ATP1B1: variants seen among roughly 807,000 people sequenced by gnomAD.
The protein encoded by ATP1B1 is ATPase Na+/K+ transporting subunit beta 1.
ATP1B1 carries 3 observed loss-of-function variants against 39.6 expected under a neutral mutation model. The ratio of observed to expected loss-of-function variants is 0.08; its 90% CI spans 0.03 to 0.20. ATP1B1 has a LOEUF of 0.20. Among genes scored for constraint, ATP1B1 ranks in the 10% least tolerant of loss-of-function variants. The pLI is 1.00. For synonymous variants in ATP1B1, 139 were observed against 135.0 expected (o/e 1.03, Z -0.20); for missense variants, 216 against 371.1 (o/e 0.58, Z 3.43).
intron 2 of ATP1B1, among the ~76,000 whole-genome samples, chr1:169,124,506 C>T (rs770768236): frequency 3.3e-5 from 5 of 152,182 alleles, no homozygotes; most frequent in South Asian, 2.1e-4. Context: ...AAACTGTGCA[C>T]GTTGGGGTAC....
intron 2 of ATP1B1, among the ~76,000 whole-genome samples, chr1:169,119,059 C>A (rs1330393766): frequency 6.6e-6 from 1 of 152,178 alleles, no homozygotes; most frequent in Non-Finnish European, 1.5e-5. Context: ...TCCCTCAAGC[C>A]TTTTCCCCCT....
chr1:169,121,818 A>G (rs1307427403), intron 2 of ATP1B1, among the ~76,000 whole-genome samples: 2 of 152,082 alleles, frequency 1.3e-5, no homozygotes, highest in Admixed American at 6.5e-5. Flanking sequence ...GCTTGTTTAT[A>G]TTTTGGCTTT....
At chr1:169,125,184 A>T (rs142696549) in intron 3 of ATP1B1, 145 bp downstream of exon 3, 256 of 1,112,408 alleles carry the variant, frequency 2.3e-4, no homozygotes, top group Middle Eastern at 5.5e-4. Flanking sequence ...CACTTTTTTT[A>T]AAAAAAGCAG....
intron 2 of ATP1B1, among the ~76,000 whole-genome samples, chr1:169,118,646 C>T (rs914039321): frequency 2.0e-5 from 3 of 152,108 alleles, no homozygotes; most frequent in South Asian, 2.1e-4. Context: ...CATATATGTG[C>T]GTATGCATAC....
chr1:169,124,512 G>T (rs973782654), intron 2 of ATP1B1, among the ~76,000 whole-genome samples: 14 of 152,160 alleles, frequency 9.2e-5, no homozygotes, highest in Admixed American at 8.5e-4. Flanking sequence ...TGCACGTTGG[G>T]GTACTAGAAA....
At chr1:169,113,762 C>T (rs1657775337) in intron 2 of ATP1B1, among the ~76,000 whole-genome samples, 1 of 152,214 alleles carries the variant, frequency 6.6e-6, no homozygotes, top group Admixed American at 6.5e-5. Flanking sequence ...ACCCTGACTT[C>T]TCCAAAGGAA....
intron 2 of ATP1B1, among the ~76,000 whole-genome samples, chr1:169,113,565 A>G (rs1657771078): frequency 6.6e-6 from 1 of 152,222 alleles, no homozygotes; most frequent in Non-Finnish European, 1.5e-5. Flanking sequence ...AGAAATAGCC[A>G]AAGGGCCCAA....
chr1:169,106,797 C>G lies in ATP1B1; in HGVS notation c.-33C>G, dbSNP rs531700936. On this transcript the variant is annotated 5_prime_UTR_variant, in exon 1 of 6. Transcript: ENST00000367815. ...GGCGCGCGCCGCAGCCACCCACCCT[C>G]CGGACCGCGGCAGCTGCTGACCCGC... 7 of 1,553,006 alleles carry G rather than the reference C, an allele frequency of 4.5e-6. No homozygotes were observed. The highest frequency in any genetic ancestry group is 2.3e-4 in the Middle Eastern group (1 of 4,416).
intron 1 of ATP1B1, chr1:169,110,768 A>T: frequency 9.6e-7 from 1 of 1,042,028 alleles, no homozygotes; most frequent in South Asian, 1.4e-5. Flanking sequence ...GAGGGGAAAG[A>T]GTGTGCTTTG....
intron 1 of ATP1B1, among the ~76,000 whole-genome samples, chr1:169,109,316 G>A (rs559247890): frequency 6.6e-6 from 1 of 152,214 alleles, no homozygotes; most frequent in East Asian, 1.9e-4. Flanking sequence ...TGCCTCTGAA[G>A]CCTCTCAGCT....
rs142552777 is a variant in ATP1B1, at chr1:169,132,051, C to CTCT, written c.*498_*500dup. 6.3e-3 allele frequency: 718 copies of CTCT among 114,384 alleles called. 3 individuals carry two copies. The highest frequency in any genetic ancestry group is 0.033 in the African/African-American group (669 of 20,278). 7.1% of individuals were successfully genotyped at this position (114,384 alleles called of 1,614,324 possible). ...TTTTTTTTTTTTTTTTGTTTTTTGG[C>CTCT]TCTTTCAAAGGTAATGGCCCATCGA... On this transcript the variant is annotated 3_prime_UTR_variant, in exon 6 of 6. Transcript: ENST00000367815.
intron 1 of ATP1B1, chr1:169,108,167 A>AGTCAAGGTGAAGCGTCTT (rs1358493267): frequency 6.6e-6 from 1 of 152,226 alleles, no homozygotes; most frequent in Admixed American, 6.5e-5. Flanking sequence ...CTTCAAGGTT[A>AGTCAAGGTGAAGCGTCTT]GTCAAGGTGA....
chr1:169,120,181 A>T (rs762214661), intron 2 of ATP1B1, among the ~76,000 whole-genome samples: 3 of 152,156 alleles, frequency 2.0e-5, no homozygotes, highest in Non-Finnish European at 2.9e-5. Context: ...AAATGTGAGG[A>T]AAGAGAGCAG....
chr1:169,128,203 C>T (rs1440089202), intron 4 of ATP1B1, among the ~76,000 whole-genome samples: 1 of 152,104 alleles, frequency 6.6e-6, no homozygotes, highest in African/African-American at 2.4e-5. Flanking sequence ...GCAGGTTTCC[C>T]CCTAATCACC....
chr1:169,114,607 A>G (rs1377458725), intron 2 of ATP1B1, among the ~76,000 whole-genome samples: 1 of 152,232 alleles, frequency 6.6e-6, no homozygotes. Flanking sequence ...GAGGCCAAAC[A>G]TGAAATCTGA....
intron 4 of ATP1B1, 98 bp downstream of exon 4, chr1:169,127,506 C>CA: frequency 7.5e-7 from 1 of 1,330,440 alleles, no homozygotes; most frequent in Non-Finnish European, 1.0e-6. Context: ...AAAGTATACT[C>CA]AGTGCTGACT....
At chr1:169,113,212 T>C (rs1657764954) in intron 2 of ATP1B1, among the ~76,000 whole-genome samples, 2 of 152,044 alleles carry the variant, frequency 1.3e-5, no homozygotes, top group African/African-American at 4.8e-5. Flanking sequence ...ATTATAGGCA[T>C]GCACCACCAT....
Position 169,131,309 on chromosome 1 carries a change from T to A in ATP1B1, c.666T>A (p.Asp222Glu). The change falls in exon 6 of 6, where the codon GAT becomes GAA. Residue 222 changes from aspartate to glutamate, a missense_variant. By Grantham distance (45) the Asp-to-Glu change is conservative. Transcript: ENST00000367815. The surrounding 1 kb of genome is among the most constrained non-coding windows in gnomAD (Gnocchi z 4.4). The part of the protein sequence containing the change: ...QCTGKRDEDK[D>E]KVGNVEYFGL... Reference sequence around the variant, plus strand: ...GATTTCAGCGAGATGAAGATAAGGATAAAGTTGGAAATGTGGAGTATTTTG... The same window carrying A: ...GATTTCAGCGAGATGAAGATAAGGAAAAAGTTGGAAATGTGGAGTATTTTG... The A allele has an allele frequency of 6.2e-7, 1 of 1,613,798 alleles. No individual in the cohort carries two copies. The highest frequency in any genetic ancestry group is 8.5e-7 in the Non-Finnish European group (1 of 1,179,840).
Position 169,111,123 on chromosome 1 carries a change from T to A in ATP1B1, c.98-247T>A, listed in dbSNP as rs117881513. On this transcript the variant is annotated intron_variant, in intron 1 of 5. Transcript: ENST00000367815. Reference sequence around the variant, plus strand: ...TTTAGGGAATAAAAAAATATAAGGATCCTAGTTCTAGCTGAACATTCCTCC... The same window carrying A: ...TTTAGGGAATAAAAAAATATAAGGAACCTAGTTCTAGCTGAACATTCCTCC... Among the ~76,000 whole-genome samples, 517 of 152,184 alleles carry A rather than the reference T, an allele frequency of 3.4e-3. 28 individuals are homozygous for A. In the East Asian group the frequency reaches 0.094, roughly 28 times the overall value.
Sources: gnomAD v4.1 joint callset for allele counts (sites outside exome capture counted in the v4.1 genomes callset) on GRCh38, gnomAD v4.1.1 for gene constraint, Gnocchi (gnomAD v3.1) non-coding constraint, MANE v1.5 for transcripts, NCBI Gene and HGNC (gene_info 2026-07-23, HGNC 2026-07-21) for gene names.